PRR14L: variants seen among roughly 807,000 people sequenced by gnomAD.
PRR14L encodes protein PRR14L.
Under a neutral mutation model 155.0 loss-of-function variants are expected in PRR14L, and 80 were observed. The ratio of observed to expected loss-of-function variants is 0.52; its 90% CI spans 0.43 to 0.62. PRR14L has a LOEUF of 0.62. PRR14L is among the 20% of genes least tolerant of loss of function. The pLI is 0.00. For missense variants in PRR14L, 2,469 were observed against 2,548.0 expected (o/e 0.97, Z 0.67); for synonymous variants, 883 against 916.0 (o/e 0.96, Z 0.65).
intron 8 of PRR14L, 64 bp from the exon 9 acceptor site, chr22:31,685,867 G>T: frequency 6.8e-7 from 1 of 1,466,226 alleles, no homozygotes; most frequent in Non-Finnish European, 9.2e-7. Context: ...TGTCAACAGG[G>T]TCAGGATGTT....
intron 2 of PRR14L, among the ~76,000 whole-genome samples, chr22:31,731,792 T>C (rs1235037128): frequency 6.6e-6 from 1 of 152,158 alleles, no homozygotes; most frequent in East Asian, 1.9e-4. Context: ...TTTACTAATA[T>C]TTTCTATTCT....
At chr22:31,737,731 G>A (rs201435077) in intron 2 of PRR14L, among the ~76,000 whole-genome samples, 2 of 151,704 alleles carry the variant, frequency 1.3e-5, no homozygotes, top group African/African-American at 2.4e-5. Context: ...AGCACACATC[G>A]GCTGGTCATG....
chr22:31,716,636 C>T lies in PRR14L; in HGVS notation c.1203G>A (p.Arg401=). The change falls in exon 4 of 9, where the codon CGG becomes CGA. Residue 401 remains arginine, a synonymous_variant. Transcript: ENST00000327423. ...NLASREENEE[R]LLIPRSERGG... ...CTCTTTCACTCCTAGGAATCAAAAG[C>T]CGTTCCTCATTTTCTTCTCTAGAAG... 6.4e-7 allele frequency: 1 copy of T among 1,552,014 alleles called. No individual in the cohort carries two copies.
Position 31,714,745 on chromosome 22 carries a change from T to A in PRR14L, c.3094A>T (p.Lys1032Ter). The change falls in exon 4 of 9, where the codon AAA becomes TAA. Residue 1032 changes from lysine (K) to a stop codon, truncating the protein, a stop_gained. Coordinates refer to ENST00000327423, the MANE Select transcript of PRR14L (RefSeq NM_173566.3). LOFTEE classifies it high-confidence loss of function. ...NNSLPCGSPK[K>*]CNLKGAFVKM... The stretch of plus-strand genomic sequence containing the variant: ...ACAAAGGCTCCTTTCAAATTGCATT[T>A]CTTTGGACTACCACAAGGTAGTGAG... 6.4e-7 allele frequency: 1 copy of A among 1,552,376 alleles called. No homozygotes were observed. Among genetic ancestry groups the A allele is most frequent in the Non-Finnish European group, 8.7e-7 (1 of 1,147,138 alleles).
chr22:31,746,295 A>G (rs773476736), intron 1 of PRR14L, among the ~76,000 whole-genome samples: 6 of 152,178 alleles, frequency 3.9e-5, no homozygotes, highest in Non-Finnish European at 7.3e-5. Context: ...ATCTAAACAC[A>G]CAGCAATAAA....
chr22:31,684,230 A>C lies in PRR14L; in HGVS notation c.*1297T>G, dbSNP rs2074470028. The C allele has an allele frequency of 6.6e-6, 1 of 152,412 alleles. No individual in the cohort carries two copies. The highest frequency in any genetic ancestry group is 2.1e-4 in the South Asian group (1 of 4,836). 9.4% of individuals were successfully genotyped at this position (152,412 alleles called of 1,614,324 possible). A position where few individuals can be genotyped will look rare whatever the true frequency, so the allele number is the denominator to read the frequency against. ...CAAACCCAGAAACTCGGCTAACTCC[A>C]GCATTTGACAGTTCCGGTAGATGTG... On this transcript the variant is annotated 3_prime_UTR_variant, in exon 9 of 9. Coordinates refer to ENST00000327423, the MANE Select transcript of PRR14L (RefSeq NM_173566.3).
In PRR14L at chr22:31,714,109, G is replaced by A; in HGVS notation, c.3730C>T (p.Gln1244Ter). Residue 1244 changes from glutamine to a stop codon, truncating the protein, a stop_gained, in exon 4 of 9, where the codon CAA becomes TAA. Coordinates refer to ENST00000327423, the MANE Select transcript of PRR14L (RefSeq NM_173566.3). LOFTEE classifies it high-confidence loss of function. The part of the protein sequence containing the change: ...SLKSIEIMPS[Q>*]ENSETNVNSE... The stretch of plus-strand genomic sequence containing the variant: ...TTAACATTAGTTTCTGAATTTTCTT[G>A]AGAAGGCATTATTTCAATGGATTTC... 6.4e-7 allele frequency: 1 copy of A among 1,550,452 alleles called. No individual in the cohort carries two copies. The highest frequency in any genetic ancestry group is 8.7e-7 in the Non-Finnish European group (1 of 1,146,742).
At chr22:31,728,256 G>A (rs1051902588) in intron 2 of PRR14L, among the ~76,000 whole-genome samples, 2 of 152,114 alleles carry the variant, frequency 1.3e-5, no homozygotes, top group Admixed American at 6.6e-5. Flanking sequence ...TGTATCAGAT[G>A]CAATTTCCTT....
At chr22:31,705,725 C>T (rs1368304556) in intron 4 of PRR14L, among the ~76,000 whole-genome samples, 1 of 151,940 alleles carries the variant, frequency 6.6e-6, no homozygotes, top group East Asian at 1.9e-4. Flanking sequence ...TACAGCCGGG[C>T]ACAGTGGCTC....
intron 4 of PRR14L, among the ~76,000 whole-genome samples, chr22:31,707,127 T>A (rs778607505): frequency 1.3e-5 from 2 of 152,138 alleles, no homozygotes; most frequent in Non-Finnish European, 2.9e-5. Context: ...AAGGTATTTT[T>A]AGAGCCAATG....
chr22:31,695,159 G>A (rs1176780884), intron 7 of PRR14L, among the ~76,000 whole-genome samples: 3 of 152,188 alleles, frequency 2.0e-5, no homozygotes, highest in Non-Finnish European at 4.4e-5. Context: ...AGCTCTTTGT[G>A]AAGCGAATAA....
rs1328785543 is a variant in PRR14L, at chr22:31,685,597, A to G, written c.6386T>C (p.Ile2129Thr). 1.3e-6 allele frequency: 2 copies of G among 1,551,956 alleles called. No homozygotes were observed. The highest frequency in any genetic ancestry group is 2.7e-5 in the African/African-American group (2 of 73,036). The part of the protein sequence containing the change: ...VQSRELDALL[I>T]QKLMELETFF... Reference sequence around the variant, plus strand: ...GGTCTCCAGTTCCATTAGTTTCTGTATCAAAAGAGCATCCAGCTCTCGACT... The same window carrying G: ...GGTCTCCAGTTCCATTAGTTTCTGTGTCAAAAGAGCATCCAGCTCTCGACT... Residue 2129 changes from isoleucine to threonine, a missense_variant, in exon 9 of 9, where the codon ATA (isoleucine) becomes ACA (threonine). Ile to Thr is a moderately conservative substitution (Grantham distance 89). Coordinates refer to ENST00000327423, the MANE Select transcript of PRR14L (RefSeq NM_173566.3).
intron 1 of PRR14L, 31 bp downstream of exon 1, chr22:31,749,962 C>G (rs2074864408): frequency 6.5e-6 from 1 of 152,786 alleles, no homozygotes; most frequent in Non-Finnish European, 1.5e-5. Flanking sequence ...GGGGCGGCTA[C>G]GCCCGAAGCC....
chr22:31,746,819 C>G (rs11912735), intron 1 of PRR14L, among the ~76,000 whole-genome samples: 1 of 135,108 alleles, frequency 7.4e-6, no homozygotes, highest in African/African-American at 2.8e-5. Context: ...TTTTTTGAGA[C>G]GGAGTCTCAC....
In PRR14L at chr22:31,701,764, T is replaced by A; in HGVS notation, c.6001-2A>T. ...CTTTGGCCTCTTCTCTGGCTCAGCC[T>A]ATTTTTAAGGATTAAGAAGAAAGAT... On this transcript the variant is annotated splice_acceptor_variant, in intron 6 of 8. Coordinates refer to ENST00000327423, the MANE Select transcript of PRR14L (RefSeq NM_173566.3). LOFTEE classifies it high-confidence loss of function. The A allele has an allele frequency of 6.2e-7, 1 of 1,606,760 alleles. No individual in the cohort carries two copies. The highest frequency in any genetic ancestry group is 8.5e-7 in the Non-Finnish European group (1 of 1,174,966).
At chr22:31,748,728 A>C (rs753230897) in intron 1 of PRR14L, among the ~76,000 whole-genome samples, 1 of 152,140 alleles carries the variant, frequency 6.6e-6, no homozygotes, top group African/African-American at 2.4e-5. Context: ...ATCTCTAACC[A>C]GTCAGGAAGA....
At chr22:31,733,387 C>CTCCGACTTCCACCT (rs2074761266) in intron 2 of PRR14L, among the ~76,000 whole-genome samples, 1 of 146,826 alleles carries the variant, frequency 6.8e-6, no homozygotes, top group African/African-American at 2.5e-5. Context: ...TCACTGCAAC[C>CTCCGACTTCCACCT]TCCGCCTTTG....
chr22:31,715,840 G>A lies in PRR14L; in HGVS notation c.1999C>T (p.Pro667Ser). ...SLNSQEHANL[P>S]TDSLLHLNKE... is the part of the protein sequence containing the mutation. Reference sequence around the variant, plus strand: ...TTTAAATGCAGTAGAGAGTCAGTTGGCAAATTTGCATGTTCTTGAGAATTA... The same window carrying A: ...TTTAAATGCAGTAGAGAGTCAGTTGACAAATTTGCATGTTCTTGAGAATTA... The change falls in exon 4 of 9, where the codon CCA (proline) becomes TCA (serine). Residue 667 changes from proline to serine, a missense_variant. Physicochemically the swap from Pro to Ser is moderately conservative, Grantham distance 74. Around this residue, in one of 2 missense-constraint regions of PRR14L, gnomAD observed 2,363 missense variants for 2,371.6 expected, o/e 1.00. Transcript: ENST00000327423. The A allele has an allele frequency of 1.3e-6, 2 of 1,551,522 alleles. No homozygotes were observed. The highest frequency in any genetic ancestry group is 2.4e-5 in the East Asian group (1 of 40,918).
In PRR14L at chr22:31,713,023, AAT is replaced by A. The variant is rs2074632583; in HGVS notation, c.4814_4815del (p.Asn1605IlefsTer2). On this transcript the variant is annotated frameshift_variant, in exon 4 of 9. Coordinates refer to ENST00000327423, the MANE Select transcript of PRR14L (RefSeq NM_173566.3). LOFTEE classifies it high-confidence loss of function. ...GCTGATTCTTTGGTAGTCTTCCTAAAATTCAGGCTCCTCAAGGGATGGCACGG... is the reference window on the plus strand; with the variant it reads ...GCTGATTCTTTGGTAGTCTTCCTAAATCAGGCTCCTCAAGGGATGGCACGG... ...STPCHPLRSL[N>X]FRKTTKESAL... The A allele has an allele frequency of 6.4e-7, 1 of 1,552,100 alleles. No homozygotes were observed. Among genetic ancestry groups the A allele is most frequent in the Non-Finnish European group, 8.7e-7 (1 of 1,147,122 alleles).
Sources: gnomAD v4.1 joint callset for allele counts (sites outside exome capture counted in the v4.1 genomes callset) on GRCh38, gnomAD v4.1.1 for gene constraint, gnomAD v4.1.1 regional missense constraint, MANE v1.5 for transcripts, NCBI Gene and HGNC (gene_info 2026-07-23, HGNC 2026-07-21) for gene names.